OAS3: variants seen among roughly 807,000 people sequenced by gnomAD.
OAS3 encodes 2'-5'-oligoadenylate synthase 3.
A neutral mutation model predicts 113.0 loss-of-function variants in OAS3; 107 were observed. The observed-to-expected ratio is 0.95, with a 90% CI of 0.81 to 1.11. OAS3 has a LOEUF of 1.11. Ranked by LOEUF, OAS3 falls within the 50% of genes most tolerant of loss-of-function variation. OAS3 has a pLI of 0.00. For synonymous variants in OAS3, 552 were observed against 573.6 expected (o/e 0.96, Z 0.54); for missense variants, 1,258 against 1,389.1 (o/e 0.91, Z 1.50).
At chr12:112,944,147 C>T (rs1358708382) in intron 2 of OAS3, among the ~76,000 whole-genome samples, 1 of 152,186 alleles carries the variant, frequency 6.6e-6, no homozygotes, top group Non-Finnish European at 1.5e-5. Context: ...TGCCAGGCTG[C>T]AGGCACTGCT....
intron 7 of OAS3, among the ~76,000 whole-genome samples, chr12:112,953,470 C>A (rs1201226470): frequency 1.3e-5 from 2 of 152,212 alleles, no homozygotes; most frequent in African/African-American, 4.8e-5. Flanking sequence ...GTCTTTCTAG[C>A]AGCATGATTT....
intron 3 of OAS3, 72 bp from the exon 4 acceptor site, chr12:112,946,671 T>C: frequency 7.4e-7 from 1 of 1,351,380 alleles, no homozygotes; most frequent in South Asian, 1.3e-5. Context: ...GTCCCCAGTC[T>C]GGTTATGCAG....
intron 4 of OAS3, among the ~76,000 whole-genome samples, chr12:112,947,393 T>C (rs965908172): frequency 1.3e-5 from 2 of 152,224 alleles, no homozygotes; most frequent in African/African-American, 4.8e-5. Context: ...TTTTCTTAAA[T>C]CTTATTTAAA....
intron 7 of OAS3, among the ~76,000 whole-genome samples, chr12:112,957,496 G>T (rs1447225367): frequency 1.3e-5 from 2 of 152,124 alleles, no homozygotes; most frequent in African/African-American, 4.8e-5. Flanking sequence ...TCCATGTTTA[G>T]TGCTTCCTTC....
chr12:112,944,437 T>C (rs765269593), intron 2 of OAS3, 39 bp from the exon 3 acceptor site: 1 of 1,612,576 alleles, frequency 6.2e-7, no homozygotes, highest in South Asian at 1.1e-5. Flanking sequence ...TCCTGTGTCC[T>C]CAGTGCCCTC....
At chr12:112,964,955 G>A (rs1286596622) in intron 11 of OAS3, among the ~76,000 whole-genome samples, 1 of 152,204 alleles carries the variant, frequency 6.6e-6, no homozygotes, top group Non-Finnish European at 1.5e-5. Flanking sequence ...GCCAAGACTG[G>A]GTCACATGGT....
At chr12:112,949,343 A>T in intron 6 of OAS3, 138 bp downstream of exon 6, 1 of 659,332 alleles carries the variant, frequency 1.5e-6, no homozygotes, top group Non-Finnish European at 2.5e-6. Flanking sequence ...GGCTTAAATA[A>T]AATATATTTA....
intron 3 of OAS3, chr12:112,944,977 T>C (rs1429014758): frequency 2.8e-6 from 1 of 362,296 alleles, no homozygotes; most frequent in African/African-American, 2.1e-5. Flanking sequence ...CTCAGATATA[T>C]CCTTTGAAAA....
At chr12:112,945,546 G>A (rs1231157592) in intron 3 of OAS3, among the ~76,000 whole-genome samples, 3 of 152,088 alleles carry the variant, frequency 2.0e-5, no homozygotes, top group African/African-American at 4.8e-5. Context: ...ATGCACTGGG[G>A]AAAGTGTGCC....
Position 112,944,471 on chromosome 12 carries a change from A to T in OAS3, c.461-5A>T, listed in dbSNP as rs914352448. The T allele has an allele frequency of 3.0e-5, 48 of 1,613,784 alleles. No individual in the cohort carries two copies. The highest frequency in any genetic ancestry group is 4.1e-5 in the Non-Finnish European group (48 of 1,179,836). ...TCCCTAACTCACAGCGCTTCACACCAACAGGTCAGGCCGGCTCCGGCGTCA... is the reference window on the plus strand; with the variant it reads ...TCCCTAACTCACAGCGCTTCACACCTACAGGTCAGGCCGGCTCCGGCGTCA... On this transcript the variant is annotated splice_region_variant and splice_polypyrimidine_tract_variant and intron_variant, in intron 2 of 15. Coordinates refer to ENST00000228928, the MANE Select transcript of OAS3 (RefSeq NM_006187.4).
chr12:112,955,257 T>A (rs2043822502), intron 7 of OAS3, among the ~76,000 whole-genome samples: 1 of 152,238 alleles, frequency 6.6e-6, no homozygotes, highest in Non-Finnish European at 1.5e-5. Context: ...TACAATCATG[T>A]CATTTGCAAA....
Position 112,967,410 on chromosome 12 carries a change from A to T in OAS3, c.2690-8A>T, listed in dbSNP as rs1454738364. 1 of 1,608,286 alleles carries T rather than the reference A, an allele frequency of 6.2e-7. No individual in the cohort carries two copies. Among genetic ancestry groups the T allele is most frequent in the Non-Finnish European group, 8.5e-7 (1 of 1,177,022 alleles). ...CCGGAGTGATGGTAACCATCTCCCC[A>T]TCTCCAGGCCAGCTGGTCTCTGGCT... On this transcript the variant is annotated splice_region_variant and splice_polypyrimidine_tract_variant and intron_variant, in intron 12 of 15. Coordinates refer to ENST00000228928, the MANE Select transcript of OAS3 (RefSeq NM_006187.4).
chr12:112,958,311 A>T (rs1436093739), intron 7 of OAS3, among the ~76,000 whole-genome samples: 1 of 152,166 alleles, frequency 6.6e-6, no homozygotes, highest in Non-Finnish European at 1.5e-5. Context: ...GAAGTTTGTT[A>T]TTACCAATTG....
In OAS3 at chr12:112,948,159, C is replaced by G. The variant is rs2043751325; in HGVS notation, c.1029+60C>G. 7.6e-6 allele frequency: 11 copies of G among 1,439,482 alleles called. No individual in the cohort carries two copies. In the South Asian group the frequency reaches 1.7e-4, roughly 22 times the overall value. 89.2% of individuals were successfully genotyped at this position (1,439,482 alleles called of 1,614,324 possible). The stretch of plus-strand genomic sequence containing the variant: ...CACTTTGTTTATGTGTCCAGTGTTT[C>G]CTGAGCATCTACTATGTGCCATATG... On this transcript the variant is annotated intron_variant, in intron 5 of 15. Coordinates refer to ENST00000228928, the MANE Select transcript of OAS3 (RefSeq NM_006187.4).
At chr12:112,947,799 G>C (rs574320763) in intron 4 of OAS3, 147 bp from the exon 5 acceptor site, 12 of 660,370 alleles carry the variant, frequency 1.8e-5, no homozygotes, top group Non-Finnish European at 2.9e-5. Flanking sequence ...CTCATTTTGC[G>C]GATAAGGAAA....
chr12:112,941,787 G>C lies in OAS3; in HGVS notation c.395G>C (p.Arg132Pro). 12 of 1,614,008 alleles carry C rather than the reference G, an allele frequency of 7.4e-6. No individual in the cohort carries two copies. The highest frequency in any genetic ancestry group is 1.0e-5 in the Non-Finnish European group (12 of 1,179,886). Residue 132 changes from arginine to proline, a missense_variant, in exon 2 of 16, where the codon CGC becomes CCC. Physicochemically the swap from Arg to Pro is moderately radical, Grantham distance 103. Coordinates refer to ENST00000228928, the MANE Select transcript of OAS3 (RefSeq NM_006187.4). ...AGCGTGCCTGGGGCCCTGCAGTTCC[G>C]CCTGACATCCGTAGATCTTGAGGAC... ...EQSVPGALQF[R>P]LTSVDLEDWM...
chr12:112,965,620 G>C lies in OAS3; in HGVS notation c.2404-124G>C. 6.2e-6 allele frequency: 5 copies of C among 810,636 alleles called. No individual in the cohort carries two copies. In the South Asian group the frequency reaches 9.0e-5, roughly 15 times the overall value. The allele number at this position is 810,636 out of a possible 1,614,324, so 50.2% of individuals were successfully genotyped here. On this transcript the variant is annotated intron_variant, in intron 11 of 15. Transcript: ENST00000228928. Reference sequence around the variant, plus strand: ...ATACAGTCTTTCTTACCATATTAAAGATCTAACACAGAGAGGTTAGATGAC... The same window carrying C: ...ATACAGTCTTTCTTACCATATTAAACATCTAACACAGAGAGGTTAGATGAC...
intron 2 of OAS3, among the ~76,000 whole-genome samples, chr12:112,943,392 G>A (rs2043697978): frequency 6.6e-6 from 1 of 152,184 alleles, no homozygotes; most frequent in South Asian, 2.1e-4. Flanking sequence ...GAGGCTCAGA[G>A]ACATACAGTG....
intron 12 of OAS3, 42 bp from the exon 13 acceptor site, chr12:112,967,376 A>T (rs1557866): frequency 6.4e-7 from 1 of 1,569,330 alleles, no homozygotes; most frequent in Non-Finnish European, 8.7e-7. Flanking sequence ...CACTGGGACA[A>T]CATGGGAGCC....
Sources: gnomAD v4.1 joint callset for allele counts (sites outside exome capture counted in the v4.1 genomes callset) on GRCh38, gnomAD v4.1.1 for gene constraint, MANE v1.5 for transcripts, NCBI Gene and HGNC (gene_info 2026-07-23, HGNC 2026-07-21) for gene names.